Variants in UGT1A3 observed in about 807,000 individuals in gnomAD.
The protein encoded by UGT1A3 is UDP glucuronosyltransferase family 1 member A3, also known as UDP-glucuronosyltransferase 1A3.
A neutral mutation model predicts 41.0 loss-of-function variants in UGT1A3; 31 were observed. The ratio of observed to expected loss-of-function variants is 0.76; its 90% CI spans 0.57 to 1.02. The LOEUF (loss-of-function observed/expected upper bound fraction) is 1.02. Among genes scored for constraint, UGT1A3 ranks in the 50% least tolerant of loss-of-function variants. The pLI is 0.00. For missense variants in UGT1A3, 737 were observed against 671.0 expected, an observed-to-expected ratio of 1.10 and a Z score of -1.09; for synonymous variants, 262 against 257.6, an observed-to-expected ratio of 1.02 and a Z score of -0.17.
chr2:233,763,862 C>T (rs755965727), intron 1 of UGT1A3, among the ~76,000 whole-genome samples: 8 of 152,072 alleles, frequency 5.3e-5, no homozygotes, highest in South Asian at 2.1e-4. Context: ...CACAGACAAT[C>T]GCAATGCTGG....
At chr2:233,743,832 T>G (rs569722093) in intron 1 of UGT1A3, 26 of 1,367,252 alleles carry the variant, frequency 1.9e-5, no homozygotes, top group South Asian at 9.1e-5. Context: ...GGGTGCCACT[T>G]GAGCGCCAGC....
At chr2:233,741,949 G>A (rs188089498) in intron 1 of UGT1A3, 3 of 151,926 alleles carry the variant, frequency 2.0e-5, no homozygotes, top group Admixed American at 2.0e-4. Context: ...CAACAGAAAG[G>A]TACTTTCTTG....
intron 1 of UGT1A3, among the ~76,000 whole-genome samples, chr2:233,730,418 A>G (rs1198959382): frequency 2.0e-5 from 3 of 152,174 alleles, no homozygotes; most frequent in Non-Finnish European, 4.4e-5. Context: ...TGACATGATA[A>G]TTTTTAGTTG....
chr2:233,754,116 G>C (rs1358690649), intron 1 of UGT1A3, among the ~76,000 whole-genome samples: 1 of 152,172 alleles, frequency 6.6e-6, no homozygotes, highest in Non-Finnish European at 1.5e-5. Flanking sequence ...TACATCACGA[G>C]CATTTATGTG....
Position 233,729,141 on chromosome 2 carries a change from C to G in UGT1A3, c.15C>G (p.Leu5=), listed in dbSNP as rs751723491. 6.2e-7 allele frequency: 1 copy of G among 1,613,390 alleles called. No homozygotes were observed. The highest frequency in any genetic ancestry group is 1.1e-5 in the South Asian group (1 of 91,022). Residue 5 remains leucine, a synonymous_variant, in exon 1 of 5, where the codon CTC becomes CTG. Transcript: ENST00000482026. ...CTTCTGCTGAGATGGCCACAGGACTCCAGGTTCCCCTGCCGTGGCTGGCCA... is the reference window on the plus strand; with the variant it reads ...CTTCTGCTGAGATGGCCACAGGACTGCAGGTTCCCCTGCCGTGGCTGGCCA... MATG[L]QVPLPWLATG... is the part of the protein sequence containing the mutation.
Position 233,772,271 on chromosome 2 carries a change from G to A in UGT1A3, c.1317G>A (p.Glu439=). The A allele has an allele frequency of 6.2e-7, 1 of 1,614,244 alleles. No individual in the cohort carries two copies. Among genetic ancestry groups the A allele is most frequent in the Non-Finnish European group, 8.5e-7 (1 of 1,180,050 alleles). Residue 439 remains glutamate, a synonymous_variant, in exon 5 of 5, where the codon GAG becomes GAA. Transcript: ENST00000482026. The stretch of plus-strand genomic sequence containing the variant: ...CTGTCTTTGTGTTTAGTTACAAGGA[G>A]AACATCATGCGCCTCTCCAGCCTTC... ...KAVINDKSYK[E]NIMRLSSLHK...
At chr2:233,764,093 T>G (rs1018562208) in intron 1 of UGT1A3, among the ~76,000 whole-genome samples, 2 of 152,200 alleles carry the variant, frequency 1.3e-5, no homozygotes, top group African/African-American at 4.8e-5. Context: ...AAGCCTAAAC[T>G]AAAAATACAA....
At chr2:233,755,161 C>CG in intron 1 of UGT1A3, 1 of 1,292,236 alleles carries the variant, frequency 7.7e-7, no homozygotes, top group Non-Finnish European at 1.0e-6. Context: ...TCCCTGTCCT[C>CG]GGGGTTTTTG....
intron 1 of UGT1A3, chr2:233,760,107 A>T: frequency 8.4e-7 from 1 of 1,186,456 alleles, no homozygotes; most frequent in South Asian, 1.6e-5. Flanking sequence ...GCCTATTAAG[A>T]AACCTAATAA....
At chr2:233,764,847 C>G (rs1361860386) in intron 1 of UGT1A3, among the ~76,000 whole-genome samples, 2 of 147,962 alleles carry the variant, frequency 1.4e-5, no homozygotes, top group Non-Finnish European at 3.0e-5. Flanking sequence ...ATGACTCTGT[C>G]CTCCCTGACT....
chr2:233,772,103 A>G (rs1436143050), intron 4 of UGT1A3, among the ~76,000 whole-genome samples, 159 bp from the exon 5 acceptor site: 1 of 152,162 alleles, frequency 6.6e-6, no homozygotes, highest in East Asian at 1.9e-4. Context: ...ACAGGGCAAG[A>G]CTCTGTATCT....
intron 1 of UGT1A3, among the ~76,000 whole-genome samples, chr2:233,766,718 A>C (rs1196148509): frequency 6.6e-6 from 1 of 152,074 alleles, no homozygotes; most frequent in East Asian, 1.9e-4. Flanking sequence ...CTCTAAGTGG[A>C]ATTATCACTG....
At chr2:233,755,280 C>T in intron 1 of UGT1A3, 2 of 709,722 alleles carry the variant, frequency 2.8e-6, no homozygotes, top group Non-Finnish European at 2.2e-6. Context: ...GCTGGACTGC[C>T]AAAGAGCCTG....
intron 1 of UGT1A3, among the ~76,000 whole-genome samples, chr2:233,759,538 A>C (rs1009544779): frequency 1.3e-5 from 2 of 152,036 alleles, no homozygotes; most frequent in Non-Finnish European, 2.9e-5. Context: ...TTCTGTTCAC[A>C]TGCGCTCCAG....
At chr2:233,748,838 CTG>C (rs774126450) in intron 1 of UGT1A3, among the ~76,000 whole-genome samples, 8 of 151,472 alleles carry the variant, frequency 5.3e-5, no homozygotes, top group African/African-American at 2.0e-4. Flanking sequence ...GGAGATAAAA[CTG>C]TGAGCGTATA....
At chr2:233,732,425 G>T (rs1329507271) in intron 1 of UGT1A3, among the ~76,000 whole-genome samples, 1 of 152,186 alleles carries the variant, frequency 6.6e-6, no homozygotes, top group African/African-American at 2.4e-5. Context: ...TTTTCTTCTA[G>T]GATTTTTATG....
At chr2:233,751,245 G>A (rs961434580) in intron 1 of UGT1A3, among the ~76,000 whole-genome samples, 1 of 151,950 alleles carries the variant, frequency 6.6e-6, no homozygotes, top group Admixed American at 6.5e-5. Context: ...TTTTGGACTT[G>A]CATGGGGCCT....
intron 1 of UGT1A3, among the ~76,000 whole-genome samples, chr2:233,737,688 T>C (rs2078910745): frequency 6.6e-6 from 1 of 152,202 alleles, no homozygotes; most frequent in Non-Finnish European, 1.5e-5. Context: ...TGGCCATTGG[T>C]GCTGAAGCTT....
chr2:233,744,024 G>A lies in UGT1A3; in HGVS notation c.867+14031G>A, dbSNP rs532921168. The A allele has an allele frequency of 1.8e-4, 170 of 951,358 alleles. 2 individuals carry two copies. The highest frequency in any genetic ancestry group is 2.3e-4 in the Non-Finnish European group (161 of 710,466). 58.9% of individuals were successfully genotyped at this position (951,358 alleles called of 1,614,324 possible). Reference sequence around the variant, plus strand: ...GGAGACCTGGGCCGCCTGGAGAGACGCCCCTTATGACGCAGCCACATCTCA... The same window carrying A: ...GGAGACCTGGGCCGCCTGGAGAGACACCCCTTATGACGCAGCCACATCTCA... On this transcript the variant is annotated intron_variant, in intron 1 of 4. Coordinates refer to ENST00000482026, the MANE Select transcript of UGT1A3 (RefSeq NM_019093.4).
Sources: allele counts gnomAD v4.1 joint callset (sites outside exome capture counted in the v4.1 genomes callset), GRCh38; gene constraint gnomAD v4.1.1; transcripts MANE v1.5; gene names NCBI Gene and HGNC (gene_info 2026-07-23, HGNC 2026-07-21).